GLT8D2: variants seen among roughly 807,000 people sequenced by gnomAD.
GLT8D2 encodes the protein glycosyltransferase 8 domain containing 2.
Under a neutral mutation model 44.5 loss-of-function variants are expected in GLT8D2, and 45 were observed. The ratio of observed to expected loss-of-function variants is 1.01; its 90% confidence interval spans 0.80 to 1.30. GLT8D2 has a LOEUF of 1.30. Ranked by LOEUF, GLT8D2 falls within the 50% of genes most tolerant of loss-of-function variation. GLT8D2 has a pLI of 0.00. For synonymous variants in GLT8D2, 156 were observed against 157.2 expected (o/e 0.99, Z 0.06); for missense variants, 400 against 430.4 (o/e 0.93, Z 0.62).
intron 3 of GLT8D2, among the ~76,000 whole-genome samples, chr12:104,016,826 A>AAAAG (rs200147212): frequency 0.26 from 19,186 of 73,104 alleles, 3,093 homozygotes; most frequent in Non-Finnish European, 0.27. Context: ...AAAGAGAAAG[A>AAAAG]AAAGAAAGAA....
At chr12:104,049,738 C>G (rs1040146149) in intron 1 of GLT8D2, among the ~76,000 whole-genome samples, 157 bp downstream of exon 1, 4 of 152,178 alleles carry the variant, frequency 2.6e-5, no homozygotes, top group Non-Finnish European at 4.4e-5. Flanking sequence ...GGAATGCTAC[C>G]AGTTCGGACT....
Position 103,997,463 on chromosome 12 carries a change from C to G in GLT8D2, c.475G>C (p.Val159Leu). 1 of 1,611,246 alleles carries G rather than the reference C, an allele frequency of 6.2e-7. No individual in the cohort carries two copies. The highest frequency in any genetic ancestry group is 2.2e-5 in the East Asian group (1 of 44,874). ...HEKVIYLDDD[V>L]IVQGDIQELY... ...TTAGCGAGAGTACCTTGTACAATTA[C>G]ATCATCGTCCAAATAGATGACTTTC... The change falls in exon 7 of 11, where the codon GTA becomes CTA. Residue 159 changes from valine to leucine, a missense_variant. Transcript: ENST00000360814.
At chr12:104,057,726 T>C (rs763208102) in intron 1 of GLT8D2, among the ~76,000 whole-genome samples, 1 of 152,224 alleles carries the variant, frequency 6.6e-6, no homozygotes, top group Non-Finnish European at 1.5e-5. Flanking sequence ...TGAAGGGTGT[T>C]GGCTTGCATA....
chr12:104,010,576 G>C (rs1875704632), intron 4 of GLT8D2, among the ~76,000 whole-genome samples: 1 of 152,096 alleles, frequency 6.6e-6, no homozygotes. Flanking sequence ...AGCTCTGTGA[G>C]GGCAGGTATT....
intron 1 of GLT8D2, among the ~76,000 whole-genome samples, chr12:104,021,938 A>G (rs369881309): frequency 0.24 from 7,175 of 30,140 alleles, 933 homozygotes; most frequent in East Asian, 0.5. Context: ...AAGAAGAAGA[A>G]GAAGAAGAAG....
intron 2 of GLT8D2, among the ~76,000 whole-genome samples, chr12:104,020,097 T>C (rs1877436102): frequency 6.6e-6 from 1 of 152,012 alleles, no homozygotes; most frequent in Non-Finnish European, 1.5e-5. Flanking sequence ...ATTTTTTTTG[T>C]TTTTAGTAGA....
intron 7 of GLT8D2, among the ~76,000 whole-genome samples, chr12:103,997,112 G>C (rs1325442556): frequency 6.6e-6 from 1 of 152,142 alleles, no homozygotes; most frequent in African/African-American, 2.4e-5. Flanking sequence ...TGTTTGTAGT[G>C]GAAGAGATAG....
intron 1 of GLT8D2, among the ~76,000 whole-genome samples, chr12:104,043,014 G>T (rs1163163739): frequency 6.6e-6 from 1 of 152,186 alleles, no homozygotes; most frequent in African/African-American, 2.4e-5. Flanking sequence ...CACAGGACTT[G>T]TTCCTCACTA....
chr12:104,005,709 T>C (rs1320966684), intron 4 of GLT8D2, among the ~76,000 whole-genome samples: 2 of 152,006 alleles, frequency 1.3e-5, no homozygotes, highest in East Asian at 1.9e-4. Context: ...GTTAGAATGG[T>C]GATCATTAAA....
At chr12:104,016,774 AGAAGGAAG>A (rs1160367285) in intron 3 of GLT8D2, among the ~76,000 whole-genome samples, 641 of 58,250 alleles carry the variant, frequency 0.011, 25 homozygotes, top group African/African-American at 0.024. Context: ...AAAGAAAGAA[AGAAGGAAG>A]GAAGGAAGGA....
chr12:104,051,870 T>G, upstream of GLT8D2, among the ~76,000 whole-genome samples: 1 of 152,188 alleles, frequency 6.6e-6, no homozygotes, highest in East Asian at 1.9e-4. Context: ...AAATACCATT[T>G]AAAAAGTAGA....
rs1170333665 is a variant in GLT8D2, at chr12:103,990,133, A to ATATATC, written c.881-557_881-556insGATATA. Among the ~76,000 whole-genome samples the ATATATC allele has an allele frequency of 2.9e-4, 40 of 136,464 alleles. 4 individuals are homozygous for ATATATC. Among genetic ancestry groups the ATATATC allele is most frequent in the Non-Finnish European group, 4.6e-4 (29 of 62,598 alleles). 89.5% of individuals were successfully genotyped at this position (136,464 alleles called of 152,430 possible). A position where few individuals can be genotyped will look rare whatever the true frequency, so the allele number is the denominator to read the frequency against. ...TATATATATATATATATATATATAT[A>ATATATC]TGTAGGATAAAATATTGTAGGTGGA... On this transcript the variant is annotated intron_variant, in intron 10 of 10. Coordinates refer to ENST00000360814, the MANE Select transcript of GLT8D2 (RefSeq NM_001384711.1).
rs144465577 is a variant in GLT8D2, at chr12:103,998,181, A to G, written c.403-646T>C. ...AGGGATGAATTTAAGTAACAATCAT[A>G]TGTAGAAGGTGGCTGCAGTTTCTGT... On this transcript the variant is annotated intron_variant, in intron 6 of 10. Transcript: ENST00000360814. Among the ~76,000 whole-genome samples, 9 of 152,138 alleles carry G rather than the reference A, an allele frequency of 5.9e-5. No homozygotes were observed. The East Asian group carries it at 1.5e-3, about 26-fold the overall frequency.
chr12:104,016,817 A>G (rs71440857), intron 3 of GLT8D2, among the ~76,000 whole-genome samples: 2 of 133,754 alleles, frequency 1.5e-5, no homozygotes, highest in Non-Finnish European at 1.6e-5. Context: ...GAAAGAAAGA[A>G]AGAGAAAGAA....
chr12:104,007,024 C>A (rs1036218954), intron 4 of GLT8D2, among the ~76,000 whole-genome samples: 2 of 152,112 alleles, frequency 1.3e-5, no homozygotes, highest in Non-Finnish European at 2.9e-5. Context: ...ACGTTGACAG[C>A]AAGAGGAAGG....
rs527244832 is a variant in GLT8D2, at chr12:104,043,330, A to G, written c.-164+6565T>C. ...TCTATCTCCAGGCCAGCCATCTCAC[A>G]TGGATTCCAGACTCCAGATGCCATT... On this transcript the variant is annotated intron_variant, in intron 1 of 10. Coordinates refer to ENST00000360814, the MANE Select transcript of GLT8D2 (RefSeq NM_001384711.1). Among the ~76,000 whole-genome samples, 266 of 152,260 alleles carry G rather than the reference A, an allele frequency of 1.7e-3. 1 individual carries two copies. Among genetic ancestry groups the G allele is most frequent in the African/African-American group, 5.9e-3 (243 of 41,532 alleles).
chr12:104,011,539 CA>C (rs1438540194), intron 4 of GLT8D2, among the ~76,000 whole-genome samples: 2 of 152,142 alleles, frequency 1.3e-5, no homozygotes, highest in Non-Finnish European at 2.9e-5. Context: ...GTGACCAGCA[CA>C]CTAGTCACAA....
At chr12:104,004,050 C>T (rs183023229) in intron 4 of GLT8D2, among the ~76,000 whole-genome samples, 228 of 152,266 alleles carry the variant, frequency 1.5e-3, no homozygotes, top group African/African-American at 5.3e-3. Context: ...TGCGCTTCAT[C>T]CCTGGGATGC....
At chr12:104,016,731 GAAAGAAAGAAAGAAAGAAAGAA>G (rs1876718002) in intron 3 of GLT8D2, among the ~76,000 whole-genome samples, 1 of 76,720 alleles carries the variant, frequency 1.3e-5, no homozygotes, top group Non-Finnish European at 2.6e-5. Flanking sequence ...AAGAAAGAAA[GAAAGAAAGAAAGAAAGAAAGAA>G]AGAAAGAAAG....
Sources: allele counts gnomAD v4.1 joint callset (sites outside exome capture counted in the v4.1 genomes callset), GRCh38; gene constraint gnomAD v4.1.1; transcripts MANE v1.5; gene names NCBI Gene and HGNC (gene_info 2026-07-23, HGNC 2026-07-21).